ADHFE1: variants seen among roughly 807,000 people sequenced by gnomAD.
ADHFE1 encodes hydroxyacid-oxoacid transhydrogenase, mitochondrial.
Under a neutral mutation model 54.8 loss-of-function variants are expected in ADHFE1, and 37 were observed. The observed-to-expected ratio is 0.68, with a 90% CI of 0.52 to 0.89. The LOEUF (loss-of-function observed/expected upper bound fraction) is 0.89, where lower values mean the gene tolerates loss of function less well. Ranked by LOEUF, ADHFE1 falls within the 40% of genes least tolerant of loss-of-function variation. The pLI is 0.00. For synonymous variants in ADHFE1, 203 were observed against 229.3 expected, an observed-to-expected ratio of 0.89 and a Z score of 1.04; for missense variants, 601 against 591.2, an observed-to-expected ratio of 1.02 and a Z score of -0.17.
chr8:66,452,103 G>C lies in ADHFE1; in HGVS notation c.885G>C (p.Lys295Asn). The change falls in exon 9 of 14, where the codon AAG (lysine) becomes AAC (asparagine). Residue 295 changes from lysine to asparagine, a missense_variant and splice_region_variant. By Grantham distance (94) the Lys-to-Asn change is moderately conservative. Coordinates refer to ENST00000396623, the MANE Select transcript of ADHFE1 (RefSeq NM_144650.3). ...TGCGGATCGTGGCTAAGTATCTGAAGAGGTATGTCACCCCGAAGGGGATAG... is the reference window on the plus strand; with the variant it reads ...TGCGGATCGTGGCTAAGTATCTGAACAGGTATGTCACCCCGAAGGGGATAG... ...HALRIVAKYL[K>N]RAVRNPDDLE... The C allele has an allele frequency of 6.2e-7, 1 of 1,614,030 alleles. No individual in the cohort carries two copies. The highest frequency in any genetic ancestry group is 8.5e-7 in the Non-Finnish European group (1 of 1,180,012).
intron 9 of ADHFE1, 82 bp from the exon 10 acceptor site, chr8:66,453,977 T>A: frequency 1.3e-6 from 2 of 1,553,880 alleles, no homozygotes; most frequent in Non-Finnish European, 1.7e-6. Flanking sequence ...TTTTTCACCA[T>A]ATCTTTCCCT....
At chr8:66,432,832 C>T (rs1805273018) in intron 1 of ADHFE1, 1 of 1,223,280 alleles carries the variant, frequency 8.2e-7, no homozygotes, top group Non-Finnish European at 1.0e-6. Context: ...CCAGAGAGGA[C>T]CTGGTCCCAC....
At chr8:66,466,091 CAG>C (rs1807166338) in intron 13 of ADHFE1, among the ~76,000 whole-genome samples, 1 of 146,764 alleles carries the variant, frequency 6.8e-6, no homozygotes, top group Admixed American at 6.8e-5. Context: ...CTTTTAGAGA[CAG>C]AGTCTTGCTC....
chr8:66,446,676 C>T (rs1160836683), intron 6 of ADHFE1, among the ~76,000 whole-genome samples: 1 of 152,180 alleles, frequency 6.6e-6, no homozygotes, highest in Admixed American at 6.5e-5. Flanking sequence ...AGGCAATATG[C>T]ATATTAAACA....
intron 5 of ADHFE1, 86 bp downstream of exon 5, chr8:66,444,834 C>A: frequency 6.6e-7 from 1 of 1,509,400 alleles, no homozygotes; most frequent in Admixed American, 1.8e-5. Context: ...GGCGTGGTGG[C>A]TCACGCCTGT....
At chr8:66,464,148 A>T (rs922633617) in intron 13 of ADHFE1, among the ~76,000 whole-genome samples, 1 of 152,224 alleles carries the variant, frequency 6.6e-6, no homozygotes, top group South Asian at 2.1e-4. Context: ...TTTCGTTCCC[A>T]TGTTAATGAG....
chr8:66,461,681 T>C (rs1806906249), intron 13 of ADHFE1, among the ~76,000 whole-genome samples: 1 of 151,588 alleles, frequency 6.6e-6, no homozygotes, highest in Admixed American at 6.6e-5. Context: ...CTGCAGTTTA[T>C]CATCACCAAG....
intron 13 of ADHFE1, among the ~76,000 whole-genome samples, chr8:66,467,411 A>G (rs1350047984): frequency 2.0e-5 from 3 of 152,104 alleles, no homozygotes; most frequent in African/African-American, 2.4e-5. Flanking sequence ...CACCATCTTC[A>G]CTAATTCAGC....
chr8:66,460,978 A>T (rs1806869425), intron 13 of ADHFE1, among the ~76,000 whole-genome samples: 1 of 152,216 alleles, frequency 6.6e-6, no homozygotes, highest in African/African-American at 2.4e-5. Context: ...TATCTGTGTC[A>T]CTATGGGTCT....
At chr8:66,467,583 A>G (rs1404742716) in intron 13 of ADHFE1, among the ~76,000 whole-genome samples, 2 of 152,122 alleles carry the variant, frequency 1.3e-5, no homozygotes, top group Non-Finnish European at 2.9e-5. Flanking sequence ...GACCCATGAA[A>G]ATGGAACCTC....
intron 6 of ADHFE1, among the ~76,000 whole-genome samples, chr8:66,445,933 C>T (rs1373012540): frequency 6.6e-6 from 1 of 152,224 alleles, no homozygotes; most frequent in African/African-American, 2.4e-5. Context: ...CACAGACGTA[C>T]AAATCCAAAT....
chr8:66,442,971 G>T, intron 3 of ADHFE1, 127 bp downstream of exon 3: 2 of 840,238 alleles, frequency 2.4e-6, no homozygotes, highest in South Asian at 4.0e-5. Flanking sequence ...ATCTCTATTT[G>T]ATCAGACCAT....
chr8:66,448,821 G>A, intron 7 of ADHFE1, 44 bp from the exon 8 acceptor site: 1 of 1,497,590 alleles, frequency 6.7e-7, no homozygotes, highest in South Asian at 1.2e-5. Flanking sequence ...TTCTTAAAAT[G>A]ATGCCCATGG....
At chr8:66,436,242 T>C (rs1372594331) in intron 1 of ADHFE1, among the ~76,000 whole-genome samples, 1 of 152,126 alleles carries the variant, frequency 6.6e-6, no homozygotes, top group Non-Finnish European at 1.5e-5. Flanking sequence ...ATCTGCAAAG[T>C]TCCTCTTACT....
intron 12 of ADHFE1, among the ~76,000 whole-genome samples, chr8:66,458,793 ATTC>A (rs1311768438): frequency 6.6e-6 from 1 of 152,188 alleles, no homozygotes; most frequent in Non-Finnish European, 1.5e-5. Context: ...ATACTGATGT[ATTC>A]TTTTTCCTAC....
chr8:66,448,489 G>A (rs1456861968), intron 7 of ADHFE1, among the ~76,000 whole-genome samples: 1 of 152,218 alleles, frequency 6.6e-6, no homozygotes, highest in East Asian at 1.9e-4. Flanking sequence ...AAGTTGCAGA[G>A]CGAGGACCAG....
Position 66,443,264 on chromosome 8 carries a change from A to ATTTTTTTTTTTTTTTTTT in ADHFE1, c.144+435_144+452dup, listed in dbSNP as rs540464621. Among the ~76,000 whole-genome samples, 8 of 86,096 alleles carry ATTTTTTTTTTTTTTTTTT rather than the reference A, an allele frequency of 9.3e-5. 1 individual carries two copies. Among genetic ancestry groups the ATTTTTTTTTTTTTTTTTT allele is most frequent in the African/African-American group, 2.1e-4 (5 of 24,154 alleles). The allele number at this position is 86,096 out of a possible 152,430, so 56.5% of individuals were successfully genotyped here. On this transcript the variant is annotated intron_variant, in intron 3 of 13. Coordinates refer to ENST00000396623, the MANE Select transcript of ADHFE1 (RefSeq NM_144650.3). Reference sequence around the variant, plus strand: ...GTCCCTGTCTCCTCCTAGTCCAGGAATTTTTTTTTTTTTTTTTTTTTTTTT... The same window carrying ATTTTTTTTTTTTTTTTTT: ...GTCCCTGTCTCCTCCTAGTCCAGGAATTTTTTTTTTTTTTTTTTTTTTTTTTTTTTTTTTTTTTTTTTT...
intron 2 of ADHFE1, among the ~76,000 whole-genome samples, chr8:66,440,653 A>G (rs1240017642): frequency 3.3e-5 from 5 of 152,234 alleles, no homozygotes; most frequent in African/African-American, 1.2e-4. Flanking sequence ...TTAAAATAAT[A>G]TTGTATTTCC....
At chr8:66,441,578 ATAAG>A (rs528620132) in intron 2 of ADHFE1, among the ~76,000 whole-genome samples, 14 of 152,368 alleles carry the variant, frequency 9.2e-5, no homozygotes, top group Middle Eastern at 3.4e-3. Flanking sequence ...ATTGATATAA[ATAAG>A]TATTGATAAA....
Sources: gnomAD v4.1 joint callset for allele counts (sites outside exome capture counted in the v4.1 genomes callset) on GRCh38, gnomAD v4.1.1 for gene constraint, MANE v1.5 for transcripts, NCBI Gene and HGNC (gene_info 2026-07-23, HGNC 2026-07-21) for gene names.